Variants in NEK10 observed in about 807,000 individuals in gnomAD.
NEK10 encodes serine/threonine-protein kinase Nek10.
In NEK10, 122 loss-of-function variants were observed where a neutral mutation model predicts 159.8. That is an observed-to-expected ratio of 0.76 (90% CI 0.66 to 0.89). NEK10 has a LOEUF of 0.89. Ranked by LOEUF, NEK10 falls within the 40% of genes least tolerant of loss-of-function variation. NEK10 has a pLI of 0.00. For missense variants in NEK10, 1,342 were observed against 1,323.1 expected (o/e 1.01, Z -0.22); for synonymous variants, 466 against 457.1 (o/e 1.02, Z -0.25).
At chr3:27,215,854 G>A (rs3112807) in intron 23 of NEK10, 2 of 717,238 alleles carry the variant, frequency 2.8e-6, no homozygotes, top group South Asian at 3.0e-5. Flanking sequence ...AGCAGGAGCA[G>A]GAGAGCGAAG....
At chr3:27,158,057 A>C (rs763511882) in intron 30 of NEK10, among the ~76,000 whole-genome samples, 1 of 152,180 alleles carries the variant, frequency 6.6e-6, no homozygotes, top group Non-Finnish European at 1.5e-5. Context: ...TGGAAAACCA[A>C]AAAATTCAGG....
In NEK10 at chr3:27,284,662, C is replaced by G; in HGVS notation, c.1954G>C (p.Val652Leu). Residue 652 changes from valine to leucine, a missense_variant, in exon 22 of 36, where the codon GTC (valine) becomes CTC (leucine). By Grantham distance (32) the Val-to-Leu change is conservative. Transcript: ENST00000691995. ...TTGTTTGGTGTCAGATCTCTATGGA[C>G]AATCCTCTTCTCCTTGTGTAAGTAT... The part of the protein sequence containing the change: ...LRYLHKEKRI[V>L]HRDLTPNNIM... 6.2e-7 allele frequency: 1 copy of G among 1,610,756 alleles called. No homozygotes were observed. Among genetic ancestry groups the G allele is most frequent in the Non-Finnish European group, 8.5e-7 (1 of 1,177,016 alleles).
At chr3:27,219,642 C>T (rs548796118) in intron 23 of NEK10, among the ~76,000 whole-genome samples, 2 of 152,142 alleles carry the variant, frequency 1.3e-5, no homozygotes, top group African/African-American at 4.8e-5. Flanking sequence ...ATTTATATTC[C>T]CCTAACACTT....
Position 27,174,748 on chromosome 3 carries a change from G to T in NEK10, c.2591C>A (p.Pro864His). Residue 864 changes from proline to histidine, a missense_variant, in exon 27 of 36, where the codon CCC becomes CAC. Pro to His is a moderately conservative substitution (Grantham distance 77). Transcript: ENST00000691995. ...KSELSESADL[P>H]PEGFQASYGK... Reference sequence around the variant, plus strand: ...ATAGGAGGCCTGGAAGCCTTCAGGGGGCAGGTCTGCGCTTTCTGAAAGTTC... The same window carrying T: ...ATAGGAGGCCTGGAAGCCTTCAGGGTGCAGGTCTGCGCTTTCTGAAAGTTC... The T allele has an allele frequency of 6.2e-7, 1 of 1,613,602 alleles. No individual in the cohort carries two copies. The highest frequency in any genetic ancestry group is 1.1e-5 in the South Asian group (1 of 90,994).
At chr3:27,174,897 T>C (rs1388414975) in intron 26 of NEK10, 64 bp from the exon 27 acceptor site, 1 of 1,354,096 alleles carries the variant, frequency 7.4e-7, no homozygotes, top group African/African-American at 1.5e-5. Context: ...AGGACCTAAA[T>C]CTTGTTAGAA....
intron 23 of NEK10, among the ~76,000 whole-genome samples, chr3:27,216,844 T>C (rs939578882): frequency 6.6e-6 from 1 of 152,232 alleles, no homozygotes; most frequent in Non-Finnish European, 1.5e-5. Context: ...TATTATTGTA[T>C]TAAACCAATA....
intron 25 of NEK10, among the ~76,000 whole-genome samples, chr3:27,197,077 C>G (rs1301116290): frequency 6.6e-6 from 1 of 152,154 alleles, no homozygotes; most frequent in Non-Finnish European, 1.5e-5. Flanking sequence ...ATCATCACAT[C>G]AGCCTAATGA....
At chr3:27,129,481 A>G (rs903471581) in intron 32 of NEK10, among the ~76,000 whole-genome samples, 3 of 152,134 alleles carry the variant, frequency 2.0e-5, no homozygotes, top group African/African-American at 7.2e-5. Context: ...TGAAAAATCC[A>G]TTTATGAACA....
At chr3:27,260,364 G>T (rs1369845508) in intron 22 of NEK10, among the ~76,000 whole-genome samples, 1 of 152,118 alleles carries the variant, frequency 6.6e-6, no homozygotes, top group Non-Finnish European at 1.5e-5. Context: ...GTTTGTCATA[G>T]ATAGCTCTTA....
chr3:27,341,017 TA>T (rs2047166614), intron 5 of NEK10, among the ~76,000 whole-genome samples: 1 of 151,894 alleles, frequency 6.6e-6, no homozygotes, highest in South Asian at 2.1e-4. Flanking sequence ...TATTTGGCCA[TA>T]AAAAAGAAAA....
chr3:27,292,031 T>A (rs909269054), intron 16 of NEK10, among the ~76,000 whole-genome samples: 2 of 151,994 alleles, frequency 1.3e-5, no homozygotes, highest in African/African-American at 4.8e-5. Flanking sequence ...GTTGGGGAAA[T>A]AATATTCCCC....
Position 27,162,660 on chromosome 3 carries a change from G to A in NEK10, c.2869+41C>T, listed in dbSNP as rs139791617. 194 of 1,614,074 alleles carry A rather than the reference G, an allele frequency of 1.2e-4. 3 individuals carry two copies. In the East Asian group the frequency reaches 3.5e-3, roughly 29 times the overall value. ...GTAACATAAATTACATTGAATTTTA[G>A]AGAGTTGTGTTTGATTTTATTGCTA... On this transcript the variant is annotated intron_variant, in intron 30 of 35. Transcript: ENST00000691995.
intron 22 of NEK10, among the ~76,000 whole-genome samples, chr3:27,277,638 C>T (rs1183662718): frequency 6.6e-6 from 1 of 152,182 alleles, no homozygotes; most frequent in Non-Finnish European, 1.5e-5. Context: ...GCATTAACTG[C>T]TCTTACCCTT....
intron 23 of NEK10, among the ~76,000 whole-genome samples, chr3:27,236,518 C>T (rs896920680): frequency 1.3e-5 from 2 of 152,006 alleles, no homozygotes; most frequent in African/African-American, 4.8e-5. Flanking sequence ...TTCTATTTTC[C>T]CTAAGTGTCG....
chr3:27,335,745 A>G (rs2046757160), intron 5 of NEK10, among the ~76,000 whole-genome samples: 1 of 152,202 alleles, frequency 6.6e-6, no homozygotes, highest in African/African-American at 2.4e-5. Flanking sequence ...GAAATTAAAC[A>G]TTTGCTCCTG....
intron 26 of NEK10, among the ~76,000 whole-genome samples, chr3:27,175,721 A>G (rs1016174604): frequency 2.6e-5 from 4 of 152,234 alleles, no homozygotes; most frequent in Non-Finnish European, 4.4e-5. Flanking sequence ...GGGGCTAAAC[A>G]GTGCTGGCAA....
At chr3:27,306,170 C>A (rs1192569810) in intron 11 of NEK10, among the ~76,000 whole-genome samples, 2 of 152,134 alleles carry the variant, frequency 1.3e-5, no homozygotes, top group Non-Finnish European at 2.9e-5. Context: ...CACACTCCTC[C>A]ACTGTCAATC....
intron 19 of NEK10, among the ~76,000 whole-genome samples, chr3:27,288,521 C>CT (rs2042778814): frequency 6.6e-6 from 1 of 152,184 alleles, no homozygotes; most frequent in African/African-American, 2.4e-5. Flanking sequence ...ACCATTGGCT[C>CT]TGAGTCCCCA....
chr3:27,243,784 T>C (rs935573605), intron 23 of NEK10, among the ~76,000 whole-genome samples: 3 of 151,970 alleles, frequency 2.0e-5, no homozygotes, highest in East Asian at 3.9e-4. Flanking sequence ...ACAAGCATCA[T>C]AGGGTTTTCT....
Sources: allele counts gnomAD v4.1 joint callset (sites outside exome capture counted in the v4.1 genomes callset), GRCh38; gene constraint gnomAD v4.1.1; transcripts MANE v1.5; gene names NCBI Gene and HGNC (gene_info 2026-07-23, HGNC 2026-07-21).